Variants in ERC1 observed in about 807,000 individuals in gnomAD.
ERC1 encodes the protein RAB6 interacting protein 2.
A neutral mutation model predicts 132.0 loss-of-function variants in ERC1; 56 were observed. The ratio of observed to expected loss-of-function variants is 0.42; its 90% CI spans 0.34 to 0.53. ERC1 has a LOEUF of 0.53. Among genes scored for constraint, ERC1 ranks in the 20% least tolerant of loss-of-function variants. ERC1 has a pLI of 0.03. For synonymous variants in ERC1, 478 were observed against 476.1 expected (o/e 1.00, Z -0.05); for missense variants, 1,202 against 1,349.9 (o/e 0.89, Z 1.72).
intron 2 of ERC1, among the ~76,000 whole-genome samples, chr12:1,058,103 A>G (rs1362247548): frequency 6.6e-6 from 1 of 152,024 alleles, no homozygotes; most frequent in African/African-American, 2.4e-5. Flanking sequence ...TCGGATGCAT[A>G]GTTTGCAGAT....
At chr12:1,385,952 A>G (rs2089289103) in intron 16 of ERC1, 1 of 151,984 alleles carries the variant, frequency 6.6e-6, no homozygotes, top group Non-Finnish European at 1.5e-5. Flanking sequence ...AAGAAAAAAC[A>G]TGAGCCATGA....
At chr12:1,351,144 C>T (rs2084957994) in intron 15 of ERC1, among the ~76,000 whole-genome samples, 1 of 152,168 alleles carries the variant, frequency 6.6e-6, no homozygotes, top group African/African-American at 2.4e-5. Context: ...ATATCCACAC[C>T]ATAGTGATAT....
chr12:1,476,018 C>T (rs1278354259), intron 18 of ERC1, among the ~76,000 whole-genome samples: 1 of 150,884 alleles, frequency 6.6e-6, no homozygotes, highest in East Asian at 2.0e-4. Flanking sequence ...AATCCCAGCA[C>T]TTTGGGAGGC....
rs189940502 is a variant in ERC1 at position 1,168,718 on chromosome 12, C to T, written c.1738-11822C>T. 3.0e-3 allele frequency among the ~76,000 whole-genome samples: 456 copies of T among 152,142 alleles called. 2 individuals carry two copies. The highest frequency in any genetic ancestry group is 0.014 in the Middle Eastern group (4 of 294). On this transcript the variant is annotated intron_variant, in intron 8 of 18. Coordinates refer to ENST00000360905, the MANE Select transcript of ERC1 (RefSeq NM_178040.4). The stretch of plus-strand genomic sequence containing the variant: ...GTCAGGCTGGTCTTGAACTCCTAAC[C>T]TCAGATGATCTGCCCGCCTCGGCCT...
chr12:1,344,439 G>A (rs2084238452), intron 15 of ERC1, among the ~76,000 whole-genome samples: 1 of 152,194 alleles, frequency 6.6e-6, no homozygotes, highest in Admixed American at 6.5e-5. Context: ...AAGGAGGAAA[G>A]GAGAGACTGG....
At chr12:1,440,707 G>C (rs2093126776) in intron 17 of ERC1, among the ~76,000 whole-genome samples, 1 of 147,350 alleles carries the variant, frequency 6.8e-6, no homozygotes, top group Non-Finnish European at 1.5e-5. Context: ...GAGTGCAGTG[G>C]TGTGATCTCA....
intron 2 of ERC1, among the ~76,000 whole-genome samples, chr12:1,049,568 A>G (rs996082443): frequency 2.0e-5 from 3 of 152,080 alleles, no homozygotes; most frequent in South Asian, 4.1e-4. Flanking sequence ...CTACAAATGG[A>G]TAAGAGTTGG....
At chr12:1,437,109 CAAGA>C (rs1344931034) in intron 17 of ERC1, among the ~76,000 whole-genome samples, 2 of 152,184 alleles carry the variant, frequency 1.3e-5, no homozygotes, top group African/African-American at 2.4e-5. Context: ...CTCTTAACAG[CAAGA>C]AAGAATTTTG....
chr12:1,062,627 C>T (rs1453248414), intron 2 of ERC1, among the ~76,000 whole-genome samples: 1 of 152,210 alleles, frequency 6.6e-6, no homozygotes, highest in African/African-American at 2.4e-5. Flanking sequence ...CGTGGCCTAA[C>T]ATATGGTTTA....
intron 15 of ERC1, among the ~76,000 whole-genome samples, chr12:1,294,609 AT>A (rs2079771113): frequency 6.6e-6 from 1 of 152,140 alleles, no homozygotes; most frequent in African/African-American, 2.4e-5. Flanking sequence ...CTTTTTCCTT[AT>A]CTTTTCTTTT....
intron 15 of ERC1, among the ~76,000 whole-genome samples, chr12:1,337,245 A>G (rs2083392290): frequency 6.6e-6 from 1 of 151,646 alleles, no homozygotes; most frequent in Non-Finnish European, 1.5e-5. Flanking sequence ...TCAGGTGCAT[A>G]TATATTTAGG....
chr12:1,484,066 G>T (rs561264450), intron 18 of ERC1, among the ~76,000 whole-genome samples: 4 of 99,412 alleles, frequency 4.0e-5, no homozygotes, highest in Non-Finnish European at 8.3e-5. Context: ...AGCACTTTGG[G>T]AGGCTGAGGC....
At position 1,199,618 on chromosome 12, in the gene ERC1, G is replaced by GA. The variant is rs932653391; in HGVS notation, c.2351+9576dup. Among the ~76,000 whole-genome samples, 13 of 148,746 alleles carry GA rather than the reference G, an allele frequency of 8.7e-5. No individual in the cohort carries two copies. The East Asian group carries it at 1.2e-3, about 14-fold the overall frequency. On this transcript the variant is annotated intron_variant, in intron 12 of 18. Transcript: ENST00000360905. ...AAACCCTGTCTCTACTAAAAAATAG[G>GA]AAAAAAAAAATTAGCCGGGCATGGT...
At chr12:1,114,149 G>C (rs1002870068) in intron 6 of ERC1, among the ~76,000 whole-genome samples, 3 of 151,990 alleles carry the variant, frequency 2.0e-5, no homozygotes, top group Admixed American at 2.0e-4. Context: ...TCAGCCTCCT[G>C]AGTAGCTGGG....
chr12:1,216,408 T>G (rs1958411461), intron 12 of ERC1, among the ~76,000 whole-genome samples: 1 of 152,154 alleles, frequency 6.6e-6, no homozygotes, highest in African/African-American at 2.4e-5. Context: ...CCTCCAGCTG[T>G]TACTTCTGTA....
At chr12:1,400,916 A>ATTATTATTTTTTTT (rs2090981093) in intron 16 of ERC1, among the ~76,000 whole-genome samples, 2 of 15,040 alleles carry the variant, frequency 1.3e-4, no homozygotes, top group African/African-American at 3.1e-4. Flanking sequence ...CTATTTTTGT[A>ATTATTATTTTTTTT]TTTTTTTTTT....
At chr12:1,332,868 C>T (rs1348057954) in intron 15 of ERC1, among the ~76,000 whole-genome samples, 1 of 152,062 alleles carries the variant, frequency 6.6e-6, no homozygotes, top group Non-Finnish European at 1.5e-5. Flanking sequence ...TGCAGCTATT[C>T]AAAATAGACT....
chr12:1,293,396 T>C (rs1489097983), intron 15 of ERC1, among the ~76,000 whole-genome samples: 2 of 126,450 alleles, frequency 1.6e-5, no homozygotes, highest in Non-Finnish European at 3.5e-5. Flanking sequence ...GAGCTTGCAG[T>C]GAGCTGAGAT....
intron 16 of ERC1, among the ~76,000 whole-genome samples, chr12:1,407,673 A>G (rs1257412586): frequency 1.3e-5 from 2 of 152,200 alleles, no homozygotes; most frequent in Non-Finnish European, 2.9e-5. Context: ...AGCTTAATCA[A>G]ACAGAAATTT....
Sources: allele counts gnomAD v4.1 joint callset (sites outside exome capture counted in the v4.1 genomes callset), GRCh38; gene constraint gnomAD v4.1.1; transcripts MANE v1.5; gene names NCBI Gene and HGNC (gene_info 2026-07-23, HGNC 2026-07-21).